Variants in CATSPERB observed in about 807,000 individuals in gnomAD.
CATSPERB encodes cation channel sperm-associated auxiliary subunit beta.
In CATSPERB, 93 loss-of-function variants were observed where a neutral mutation model predicts 128.3. The observed-to-expected ratio is 0.72, with a 90% CI of 0.61 to 0.86. The LOEUF is 0.86. CATSPERB is among the 40% of genes least tolerant of loss of function. CATSPERB has a pLI of 0.00. For missense variants in CATSPERB, 1,153 were observed against 1,329.5 expected (o/e 0.87, Z 2.06); for synonymous variants, 381 against 448.8 (o/e 0.85, Z 1.91).
chr14:91,658,394 G>A (rs1566720993), intron 15 of CATSPERB, among the ~76,000 whole-genome samples: 1 of 151,944 alleles, frequency 6.6e-6, no homozygotes. Flanking sequence ...GGGAAGGGTA[G>A]TGGGGCATTA....
At chr14:91,638,400 C>CT (rs34399837) in intron 16 of CATSPERB, among the ~76,000 whole-genome samples, 41,894 of 145,462 alleles carry the variant, frequency 0.29, 6,683 homozygotes, top group East Asian at 0.47. Context: ...GCTCATGTTC[C>CT]TTTTTTTTTT....
intron 11 of CATSPERB, among the ~76,000 whole-genome samples, chr14:91,683,085 G>A (rs1423851604): frequency 2.0e-5 from 3 of 152,134 alleles, no homozygotes; most frequent in Non-Finnish European, 4.4e-5. Context: ...TTCATATATA[G>A]CACGATTGGT....
chr14:91,596,450 A>G (rs946789513), intron 22 of CATSPERB, among the ~76,000 whole-genome samples: 2 of 152,012 alleles, frequency 1.3e-5, no homozygotes, highest in African/African-American at 4.8e-5. Flanking sequence ...TGATCCGCCC[A>G]CCTTGGCCTC....
At chr14:91,625,415 G>A (rs369085313) in intron 17 of CATSPERB, among the ~76,000 whole-genome samples, 17 of 151,934 alleles carry the variant, frequency 1.1e-4, no homozygotes, top group African/African-American at 3.6e-4. Flanking sequence ...AGAGGGGTGG[G>A]GGAGAAAGCT....
At chr14:91,671,578 G>A (rs544028865) in intron 13 of CATSPERB, among the ~76,000 whole-genome samples, 106 of 149,514 alleles carry the variant, frequency 7.1e-4, no homozygotes, top group African/African-American at 2.5e-3. Flanking sequence ...GCAGCAGAGC[G>A]AGACCCCATC....
At chr14:91,686,800 A>C (rs1486082386) in intron 10 of CATSPERB, among the ~76,000 whole-genome samples, 1 of 152,224 alleles carries the variant, frequency 6.6e-6, no homozygotes, top group African/African-American at 2.4e-5. Context: ...TTCTAGGTAC[A>C]AAATTATTCA....
chr14:91,684,093 G>C, intron 10 of CATSPERB, 150 bp from the exon 11 acceptor site: 1 of 564,678 alleles, frequency 1.8e-6, no homozygotes, highest in Non-Finnish European at 3.1e-6. Context: ...AAAGACTGTA[G>C]AATGAGGACA....
chr14:91,586,953 C>T (rs147423287), intron 26 of CATSPERB, among the ~76,000 whole-genome samples: 1 of 152,312 alleles, frequency 6.6e-6, no homozygotes, highest in Non-Finnish European at 1.5e-5. Flanking sequence ...GGAACAAAAA[C>T]AAAGACAGCC....
chr14:91,599,600 C>T (rs1374647098), intron 22 of CATSPERB, among the ~76,000 whole-genome samples: 6 of 151,620 alleles, frequency 4.0e-5, no homozygotes, highest in Non-Finnish European at 7.4e-5. Context: ...AGGATGCACC[C>T]GTGACACAGC....
chr14:91,633,173 C>G (rs558777998), intron 17 of CATSPERB, among the ~76,000 whole-genome samples: 1 of 152,302 alleles, frequency 6.6e-6, no homozygotes, highest in South Asian at 2.1e-4. Flanking sequence ...CTATGTTACA[C>G]AAAACTTACA....
At chr14:91,687,680 T>C (rs8004242) in intron 10 of CATSPERB, among the ~76,000 whole-genome samples, 4,631 of 152,124 alleles carry the variant, frequency 0.03, 264 homozygotes, top group African/African-American at 0.11. Flanking sequence ...CTAAGCTGGG[T>C]GCGGTGACTC....
intron 18 of CATSPERB, among the ~76,000 whole-genome samples, chr14:91,623,278 G>A (rs1003309388): frequency 6.6e-6 from 1 of 151,998 alleles, no homozygotes; most frequent in African/African-American, 2.4e-5. Flanking sequence ...ATGCAACACG[G>A]GAGAGGGGCC....
intron 11 of CATSPERB, among the ~76,000 whole-genome samples, chr14:91,675,087 A>G (rs980328180): frequency 7.5e-6 from 1 of 133,878 alleles, no homozygotes; most frequent in African/African-American, 2.5e-5. Context: ...GCTTGCATTC[A>G]TTACAAATTT....
chr14:91,717,144 A>G (rs1895957352), intron 5 of CATSPERB, among the ~76,000 whole-genome samples: 1 of 152,214 alleles, frequency 6.6e-6, no homozygotes, highest in African/African-American at 2.4e-5. Context: ...TTATGATTCC[A>G]TTTATATGAC....
rs114974718 is a variant in CATSPERB at position 91,731,005 on chromosome 14, G to A, written c.-1+925C>T. ...TGCAATGCTCAAGTATATTTTTGGT[G>A]TAAGAACGAATTTAACATTAAGTGG... is the stretch of plus-strand genomic sequence containing the variant. On this transcript the variant is annotated intron_variant, in intron 1 of 26. Transcript: ENST00000256343. Among the ~76,000 whole-genome samples, 360 of 152,274 alleles carry A rather than the reference G, an allele frequency of 2.4e-3. 3 individuals are homozygous for A. The highest frequency in any genetic ancestry group is 8.2e-3 in the African/African-American group (340 of 41,552).
intron 5 of CATSPERB, among the ~76,000 whole-genome samples, chr14:91,716,853 A>G (rs571761654): frequency 5.8e-4 from 89 of 152,254 alleles, no homozygotes; most frequent in African/African-American, 2.0e-3. Context: ...AGTTTTTCTT[A>G]TAAAGTTAAG....
chr14:91,704,844 T>TA lies in CATSPERB; in HGVS notation c.467-144dup, dbSNP rs1045811859. 5.1e-5 allele frequency: 38 copies of TA among 747,272 alleles called. No individual in the cohort carries two copies. The African/African-American group carries it at 6.3e-4, about 12-fold the overall frequency. The allele number at this position is 747,272 out of a possible 1,614,324, so 46.3% of individuals were successfully genotyped here. A position where few individuals can be genotyped will look rare whatever the true frequency, so the allele number is the denominator to read the frequency against. The stretch of plus-strand genomic sequence containing the variant: ...GTGCATTACCTCACTCTGCATTGGT[T>TA]AAAAATCAGTCAGTGACTATTTTCC... On this transcript the variant is annotated intron_variant, in intron 6 of 26. Coordinates refer to ENST00000256343, the MANE Select transcript of CATSPERB (RefSeq NM_024764.4).
intron 22 of CATSPERB, among the ~76,000 whole-genome samples, chr14:91,600,669 A>C (rs1893594509): frequency 6.6e-6 from 1 of 152,258 alleles, no homozygotes; most frequent in Admixed American, 6.5e-5. Flanking sequence ...ACTGTCTCAG[A>C]TTTTAAGCCA....
In CATSPERB at chr14:91,719,406, G is replaced by C. The variant is rs752314990; in HGVS notation, c.370+12C>G. The stretch of plus-strand genomic sequence containing the variant: ...ACCCAGGGGTAAAAGAATTAATTCA[G>C]ATCACTCTTACCTGTGCTTTGTGTG... On this transcript the variant is annotated intron_variant, in intron 5 of 26. Transcript: ENST00000256343. 6.3e-6 allele frequency: 10 copies of C among 1,577,414 alleles called. No homozygotes were observed. The South Asian group carries it at 1.1e-4, about 17-fold the overall frequency.
Sources: gnomAD v4.1 joint callset for allele counts (sites outside exome capture counted in the v4.1 genomes callset) on GRCh38, gnomAD v4.1.1 for gene constraint, MANE v1.5 for transcripts, NCBI Gene and HGNC (gene_info 2026-07-23, HGNC 2026-07-21) for gene names.